The following TOX variants were observed in gnomAD, a reference collection of about 807,000 sequenced individuals.
TOX encodes the protein thymocyte selection associated high mobility group box, also known as thymocyte selection-associated high mobility group box protein TOX.
A neutral mutation model predicts 53.7 loss-of-function variants in TOX; 11 were observed. The ratio of observed to expected loss-of-function variants is 0.20; its 90% CI spans 0.13 to 0.34. TOX has a LOEUF of 0.34. TOX is among the 10% of genes least tolerant of loss of function. The pLI is 1.00. For missense variants in TOX, 570 were observed against 664.6 expected, an observed-to-expected ratio of 0.86 and a Z score of 1.56; for synonymous variants, 225 against 245.3, an observed-to-expected ratio of 0.92 and a Z score of 0.77.
At chr8:58,962,642 T>C (rs1044955313) in intron 1 of TOX, among the ~76,000 whole-genome samples, 3 of 152,160 alleles carry the variant, frequency 2.0e-5, no homozygotes, top group Non-Finnish European at 2.9e-5. Flanking sequence ...AGTGATGACA[T>C]TATCTCAATG....
chr8:58,899,645 G>T (rs1811701640), intron 3 of TOX, among the ~76,000 whole-genome samples: 1 of 151,974 alleles, frequency 6.6e-6, no homozygotes, highest in Non-Finnish European at 1.5e-5. Flanking sequence ...TACCAGGTTC[G>T]GCAACCCTAG....
chr8:58,885,061 A>T (rs949356954), intron 3 of TOX, among the ~76,000 whole-genome samples: 1 of 152,176 alleles, frequency 6.6e-6, no homozygotes, highest in Non-Finnish European at 1.5e-5. Context: ...GAGGAGGAAT[A>T]AGCTAAAAGG....
intron 1 of TOX, among the ~76,000 whole-genome samples, chr8:59,033,474 G>A (rs35002097): frequency 0.21 from 31,587 of 152,166 alleles, 3,478 homozygotes; most frequent in African/African-American, 0.26. Flanking sequence ...ACAACAGTGT[G>A]AAAGTACTTA....
intron 5 of TOX, among the ~76,000 whole-genome samples, chr8:58,832,137 A>G (rs1469431155): frequency 6.8e-6 from 1 of 147,080 alleles, no homozygotes; most frequent in Non-Finnish European, 1.5e-5. Flanking sequence ...TGTAATATAT[A>G]TAATATATGT....
chr8:58,971,367 G>A (rs1260479481), intron 1 of TOX, among the ~76,000 whole-genome samples: 2 of 152,154 alleles, frequency 1.3e-5, no homozygotes, highest in Non-Finnish European at 2.9e-5. Flanking sequence ...TCATGGAGTG[G>A]GTTTGAAATA....
At chr8:58,883,492 C>A (rs962916206) in intron 3 of TOX, among the ~76,000 whole-genome samples, 1 of 152,174 alleles carries the variant, frequency 6.6e-6, no homozygotes, top group Non-Finnish European at 1.5e-5. Flanking sequence ...TATGCTACAA[C>A]GAAACTTCAT....
At chr8:58,965,896 T>C (rs1430624197) in intron 1 of TOX, among the ~76,000 whole-genome samples, 1,194 of 76,142 alleles carry the variant, frequency 0.016, 60 homozygotes, top group African/African-American at 0.066. Flanking sequence ...GAGTCATCGT[T>C]TTTTTTTTTT....
intron 7 of TOX, among the ~76,000 whole-genome samples, chr8:58,810,828 C>T (rs1309688312): frequency 2.0e-5 from 3 of 151,986 alleles, no homozygotes; most frequent in Non-Finnish European, 2.9e-5. Flanking sequence ...CACCCCCTTT[C>T]GCTGCCCTTC....
rs1015038010 is a variant in TOX at position 58,808,008 on chromosome 8, C to T, written c.1544+110G>A. The stretch of plus-strand genomic sequence containing the variant: ...TTCTGGTGTCTTCTGCCTTCATGAA[C>T]GTGAAACTATCCCGGATCATGTTTT... On this transcript the variant is annotated intron_variant, in intron 8 of 8. Coordinates refer to ENST00000361421, the MANE Select transcript of TOX (RefSeq NM_014729.3). 50 of 1,450,412 alleles carry T rather than the reference C, an allele frequency of 3.4e-5. 1 individual carries two copies. The Admixed American group carries it at 4.8e-4, about 14-fold the overall frequency. 89.8% of individuals were successfully genotyped at this position (1,450,412 alleles called of 1,614,324 possible). A position where few individuals can be genotyped will look rare whatever the true frequency, so the allele number is the denominator to read the frequency against.
Position 58,851,915 on chromosome 8 carries a change from G to A in TOX, c.412-110C>T. The A allele has an allele frequency of 3.1e-6, 3 of 971,864 alleles. No homozygotes were observed. Among genetic ancestry groups the A allele is most frequent in the Non-Finnish European group, 3.9e-6 (3 of 759,890 alleles). 60.2% of individuals were successfully genotyped at this position (971,864 alleles called of 1,614,324 possible). A position where few individuals can be genotyped will look rare whatever the true frequency, so the allele number is the denominator to read the frequency against. On this transcript the variant is annotated intron_variant, in intron 3 of 8. Coordinates refer to ENST00000361421, the MANE Select transcript of TOX (RefSeq NM_014729.3). The surrounding 1 kb of genome is among the most constrained non-coding windows in gnomAD (Gnocchi z 4.4). ...GTAATAATTCTTTAGATTTCCAGATGTTCTGCTGAGTTACATACACATTTA... is the reference window on the plus strand; with the variant it reads ...GTAATAATTCTTTAGATTTCCAGATATTCTGCTGAGTTACATACACATTTA...
chr8:58,973,154 T>C (rs1320615558), intron 1 of TOX, among the ~76,000 whole-genome samples: 1 of 152,216 alleles, frequency 6.6e-6, no homozygotes, highest in Non-Finnish European at 1.5e-5. Context: ...GAAAGTGATA[T>C]AGTACCTATT....
Position 59,094,015 on chromosome 8 carries a change from T to C in TOX, c.102+24871A>G, listed in dbSNP as rs542780233. Among the ~76,000 whole-genome samples the C allele has an allele frequency of 5.3e-5, 8 of 152,308 alleles. No individual in the cohort carries two copies. The East Asian group carries it at 1.5e-3, about 29-fold the overall frequency. ...AAGCCAGCAAACTAAGGACTTTCAATTATTATTTACTGAAAATTATAATAA... is the reference window on the plus strand; with the variant it reads ...AAGCCAGCAAACTAAGGACTTTCAACTATTATTTACTGAAAATTATAATAA... On this transcript the variant is annotated intron_variant, in intron 1 of 8. Coordinates refer to ENST00000361421, the MANE Select transcript of TOX (RefSeq NM_014729.3).
chr8:59,007,253 T>G (rs1041512203), intron 1 of TOX, among the ~76,000 whole-genome samples: 2 of 152,142 alleles, frequency 1.3e-5, no homozygotes, highest in Non-Finnish European at 2.9e-5. Flanking sequence ...GCAAACTTTC[T>G]TTTTACTATA....
At chr8:58,877,967 C>T (rs776860603) in intron 3 of TOX, among the ~76,000 whole-genome samples, 1 of 151,894 alleles carries the variant, frequency 6.6e-6, no homozygotes, top group Non-Finnish European at 1.5e-5. Context: ...TCTAGGTTAC[C>T]CTGACTGGGG....
chr8:58,883,064 A>G (rs1270265671), intron 3 of TOX, among the ~76,000 whole-genome samples: 1 of 152,102 alleles, frequency 6.6e-6, no homozygotes, highest in Non-Finnish European at 1.5e-5. Flanking sequence ...TTTTAATTCT[A>G]TTTTCTCAGT....
chr8:58,825,349 G>GT (rs1388078108), intron 6 of TOX, among the ~76,000 whole-genome samples: 1 of 152,316 alleles, frequency 6.6e-6, no homozygotes, highest in Admixed American at 6.5e-5. Context: ...AAAGTGCTTG[G>GT]TTTTTTAAAT....
chr8:59,054,974 G>T lies in TOX; in HGVS notation c.102+63912C>A, dbSNP rs961528621. Among the ~76,000 whole-genome samples, 2 of 128,828 alleles carry T rather than the reference G, an allele frequency of 1.6e-5. 1 individual carries two copies. The highest frequency in any genetic ancestry group is 3.2e-5 in the Non-Finnish European group (2 of 61,658). 84.5% of individuals were successfully genotyped at this position (128,828 alleles called of 152,430 possible). On this transcript the variant is annotated intron_variant, in intron 1 of 8. Coordinates refer to ENST00000361421, the MANE Select transcript of TOX (RefSeq NM_014729.3). ...GAGAGGAGGGAGGGAGGAAGGAAGG[G>T]ACGGAGGGAGGGAGGGAGGGAAAGG...
At position 58,815,351 on chromosome 8, in the gene TOX, G is replaced by A; in HGVS notation, c.1379C>T (p.Pro460Leu). ...PMQVQSALHS[P>L]TMQQGFTLQP... is the part of the protein sequence containing the mutation. ...CATTGCACTTACTTGCTGCATGGTGGGTGAGTGTAAGGCAGACTGGACCTG... is the reference window on the plus strand; with the variant it reads ...CATTGCACTTACTTGCTGCATGGTGAGTGAGTGTAAGGCAGACTGGACCTG... Residue 460 changes from proline to leucine, a missense_variant, in exon 7 of 9, where the codon CCC (proline) becomes CTC (leucine). Coordinates refer to ENST00000361421, the MANE Select transcript of TOX (RefSeq NM_014729.3). The A allele has an allele frequency of 1.9e-6, 3 of 1,600,402 alleles. No homozygotes were observed. The highest frequency in any genetic ancestry group is 1.9e-4 in the Middle Eastern group (1 of 5,352).
At position 58,956,441 on chromosome 8, in the gene TOX, T is replaced by C. The variant is rs115512111; in HGVS notation, c.168+3502A>G. On this transcript the variant is annotated intron_variant, in intron 2 of 8. Coordinates refer to ENST00000361421, the MANE Select transcript of TOX (RefSeq NM_014729.3). ...ATTTTATAAGATACATTTTATTGTA[T>C]AGATTTAGGGTGTACAACATGTTAT... is the stretch of plus-strand genomic sequence containing the variant. 4.8e-3 allele frequency among the ~76,000 whole-genome samples: 726 copies of C among 152,308 alleles called. 3 individuals carry two copies. Among genetic ancestry groups the C allele is most frequent in the African/African-American group, 0.017 (700 of 41,566 alleles).
Sources: gnomAD v4.1 joint callset for allele counts (sites outside exome capture counted in the v4.1 genomes callset) on GRCh38, gnomAD v4.1.1 for gene constraint, Gnocchi (gnomAD v3.1) non-coding constraint, MANE v1.5 for transcripts, NCBI Gene and HGNC (gene_info 2026-07-23, HGNC 2026-07-21) for gene names.